The following ATP13A4 variants were observed in gnomAD, a reference collection of about 807,000 sequenced individuals.
ATP13A4 encodes ATPase 13A4, also known as probable cation-transporting ATPase 13A4.
ATP13A4 carries 114 observed loss-of-function variants against 142.5 expected under a neutral mutation model. The observed-to-expected ratio is 0.80, with a 90% CI of 0.69 to 0.93. The LOEUF (loss-of-function observed/expected upper bound fraction) is 0.93. Ranked by LOEUF, ATP13A4 falls within the 40% of genes least tolerant of loss-of-function variation. ATP13A4 has a pLI of 0.00. For missense variants in ATP13A4, 1,392 were observed against 1,454.0 expected (o/e 0.96, Z 0.69); for synonymous variants, 488 against 514.8 (o/e 0.95, Z 0.70).
chr3:193,528,440 G>A (rs1722129802), intron 1 of ATP13A4, among the ~76,000 whole-genome samples: 1 of 152,142 alleles, frequency 6.6e-6, no homozygotes, highest in South Asian at 2.1e-4. Context: ...AAGGGGCCCT[G>A]GATATGCTAG....
At chr3:193,511,616 C>A (rs1303657585) in intron 2 of ATP13A4, among the ~76,000 whole-genome samples, 1 of 152,226 alleles carries the variant, frequency 6.6e-6, no homozygotes, top group Admixed American at 6.5e-5. Flanking sequence ...TGGTGTTTGA[C>A]AATGCATTTT....
intron 2 of ATP13A4, among the ~76,000 whole-genome samples, chr3:193,573,298 TATATATATAC>T (rs1560287345): frequency 1.7e-5 from 2 of 116,636 alleles, no homozygotes; most frequent in African/African-American, 7.7e-5. Flanking sequence ...TACACATATA[TATATATATAC>T]ATATATATAT....
intron 1 of ATP13A4, among the ~76,000 whole-genome samples, chr3:193,520,545 A>G (rs1721661746): frequency 6.6e-6 from 1 of 152,198 alleles, no homozygotes; most frequent in African/African-American, 2.4e-5. Context: ...TCTGTCTTCA[A>G]CAGAGCCAAA....
intron 2 of ATP13A4, among the ~76,000 whole-genome samples, chr3:193,578,564 G>A (rs1197816941): frequency 6.6e-6 from 1 of 152,058 alleles, no homozygotes; most frequent in Non-Finnish European, 1.5e-5. Flanking sequence ...CATCACTTCT[G>A]GGTATATCCA....
intron 1 of ATP13A4, among the ~76,000 whole-genome samples, chr3:193,539,245 G>T (rs1722754886): frequency 1.3e-5 from 2 of 152,148 alleles, no homozygotes; most frequent in Admixed American, 1.3e-4. Flanking sequence ...GCCATAGTTT[G>T]CAGACCTCTG....
intron 10 of ATP13A4, 42 bp from the exon 11 acceptor site, chr3:193,466,224 C>T (rs376803355): frequency 2.9e-5 from 46 of 1,611,298 alleles, no homozygotes; most frequent in East Asian, 1.6e-4. Context: ...AGGAGACCAA[C>T]GCTACTGCTA....
intron 2 of ATP13A4, among the ~76,000 whole-genome samples, chr3:193,573,307 A>AGGTATATATATATATATT (rs1491575912): frequency 7.7e-6 from 1 of 129,890 alleles, no homozygotes; most frequent in Non-Finnish European, 1.6e-5. Context: ...ATATATATAT[A>AGGTATATATATATATATT]CATATATATA....
intron 7 of ATP13A4, among the ~76,000 whole-genome samples, chr3:193,488,479 G>A (rs1719763726): frequency 6.6e-6 from 1 of 152,056 alleles, no homozygotes; most frequent in South Asian, 2.1e-4. Flanking sequence ...TGTTCGGTTT[G>A]AATTTTATTT....
At position 193,460,435 on chromosome 3, in the gene ATP13A4, C is replaced by T. The variant is rs137926996; in HGVS notation, c.1524-1204G>A. On this transcript the variant is annotated intron_variant, in intron 13 of 29. Coordinates refer to ENST00000342695, the MANE Select transcript of ATP13A4 (RefSeq NM_032279.4). ...TCAGTGTTAACTCACAATTCAGCCA[C>T]ATGGCTTCCTGGCTTTTGCATTCAA... Among the ~76,000 whole-genome samples, 423 of 152,342 alleles carry T rather than the reference C, an allele frequency of 2.8e-3. 1 individual carries two copies. Among genetic ancestry groups the T allele is most frequent in the African/African-American group, 9.7e-3 (405 of 41,586 alleles).
At chr3:193,572,870 G>A (rs530214178) in intron 2 of ATP13A4, among the ~76,000 whole-genome samples, 1 of 151,822 alleles carries the variant, frequency 6.6e-6, no homozygotes, top group South Asian at 2.1e-4. Context: ...ACTCACGCCT[G>A]TAATTCTAGC....
chr3:193,502,449 G>A (rs1720603339), intron 3 of ATP13A4, 44 bp downstream of exon 3: 1 of 1,597,852 alleles, frequency 6.3e-7, no homozygotes, highest in Non-Finnish European at 8.6e-7. Flanking sequence ...AGGGGAAAAA[G>A]ATTAAATCTC....
chr3:193,570,897 A>G (rs1464685393), intron 2 of ATP13A4, among the ~76,000 whole-genome samples: 1 of 152,250 alleles, frequency 6.6e-6, no homozygotes. Flanking sequence ...AGCACAGTGT[A>G]TATATAAATT....
intron 29 of ATP13A4, chr3:193,403,824 C>T (rs185837876): frequency 9.1e-6 from 9 of 985,210 alleles, no homozygotes; most frequent in Admixed American, 1.2e-4. Flanking sequence ...AAATATGGGA[C>T]GTGAAACTGT....
chr3:193,539,020 T>C (rs1431969264), intron 1 of ATP13A4, among the ~76,000 whole-genome samples: 1 of 151,392 alleles, frequency 6.6e-6, no homozygotes, highest in Non-Finnish European at 1.5e-5. Context: ...ATTACAGGCA[T>C]GTGCCACCAC....
In ATP13A4 at chr3:193,401,166, C is replaced by A. The variant is rs189796147; in HGVS notation, c.*1486G>T. Reference sequence around the variant, plus strand: ...GTTCCAAAGCCAGCCTGGGCCAGGACACTTATCCCCTGATCAGAACATTCA... The same window carrying A: ...GTTCCAAAGCCAGCCTGGGCCAGGAAACTTATCCCCTGATCAGAACATTCA... On this transcript the variant is annotated 3_prime_UTR_variant, in exon 30 of 30. Transcript: ENST00000342695. 4.6e-5 allele frequency among the ~76,000 whole-genome samples: 7 copies of A among 152,134 alleles called. No homozygotes were observed. The highest frequency in any genetic ancestry group is 4.6e-4 in the Admixed American group (7 of 15,278).
chr3:193,424,304 A>C (rs34669908), intron 25 of ATP13A4, among the ~76,000 whole-genome samples: 23,308 of 129,316 alleles, frequency 0.18, 2,684 homozygotes, highest in South Asian at 0.29. Context: ...ACACCAAAGA[A>C]ATTTTTCACA....
At chr3:193,448,720 A>G (rs913489082) in intron 17 of ATP13A4, among the ~76,000 whole-genome samples, 5 of 152,248 alleles carry the variant, frequency 3.3e-5, no homozygotes, top group African/African-American at 1.2e-4. Flanking sequence ...AAGCACTGTT[A>G]GGGGCTGATT....
intron 8 of ATP13A4, among the ~76,000 whole-genome samples, chr3:193,483,621 C>T (rs1257532652): frequency 6.6e-6 from 1 of 152,100 alleles, no homozygotes; most frequent in Non-Finnish European, 1.5e-5. Flanking sequence ...CTCGCCACCA[C>T]GCCCGGCTAA....
At chr3:193,485,173 A>T (rs1259409153) in intron 7 of ATP13A4, among the ~76,000 whole-genome samples, 2 of 151,974 alleles carry the variant, frequency 1.3e-5, no homozygotes, top group Non-Finnish European at 1.5e-5. Flanking sequence ...AAGTCAAAGC[A>T]AAAAAAGAGT....
Sources: allele counts gnomAD v4.1 joint callset (sites outside exome capture counted in the v4.1 genomes callset), GRCh38; gene constraint gnomAD v4.1.1; transcripts MANE v1.5; gene names NCBI Gene and HGNC (gene_info 2026-07-23, HGNC 2026-07-21).